The following PKIB variants were observed in gnomAD, a reference collection of about 807,000 sequenced individuals.
The protein encoded by PKIB is PKI-beta.
PKIB carries 2 observed loss-of-function variants against 4.5 expected under a neutral mutation model. The observed-to-expected ratio is 0.44, with a 90% CI of 0.18 to 1.39. The LOEUF is 1.39. Among genes scored for constraint, PKIB ranks in the 40% most tolerant of loss-of-function variants. The pLI is 0.27. For synonymous variants in PKIB, 38 were observed against 36.0 expected (o/e 1.06, Z -0.20); for missense variants, 94 against 92.6 (o/e 1.02, Z -0.06).
At chr6:122,574,753 A>G (rs560627855) in intron 2 of PKIB, among the ~76,000 whole-genome samples, 24 of 152,322 alleles carry the variant, frequency 1.6e-4, no homozygotes, top group African/African-American at 5.3e-4. Flanking sequence ...TCAACTCAAG[A>G]TCAATCAAAG....
intron 2 of PKIB, among the ~76,000 whole-genome samples, chr6:122,534,659 TATATA>T (rs1460358758): frequency 6.6e-6 from 1 of 151,926 alleles, no homozygotes; most frequent in Non-Finnish European, 1.5e-5. Context: ...ATTGGAAAAA[TATATA>T]ATATAATATA....
At chr6:122,636,058 T>G (rs975530203) in intron 2 of PKIB, among the ~76,000 whole-genome samples, 1 of 152,116 alleles carries the variant, frequency 6.6e-6, no homozygotes, top group Non-Finnish European at 1.5e-5. Flanking sequence ...ATTAACTCAT[T>G]TAATCCTCAC....
At chr6:122,715,236 A>G (rs1779436778) in intron 3 of PKIB, among the ~76,000 whole-genome samples, 1 of 152,064 alleles carries the variant, frequency 6.6e-6, no homozygotes, top group South Asian at 2.1e-4. Flanking sequence ...TTAAGATCGC[A>G]TATCTTAACA....
At chr6:122,663,964 G>A (rs988138409) in intron 2 of PKIB, among the ~76,000 whole-genome samples, 1 of 152,124 alleles carries the variant, frequency 6.6e-6, no homozygotes, top group African/African-American at 2.4e-5. Flanking sequence ...TAGTATTTTA[G>A]CATTTAGAAC....
At chr6:122,514,870 G>A (rs948995733) in intron 2 of PKIB, among the ~76,000 whole-genome samples, 2 of 152,150 alleles carry the variant, frequency 1.3e-5, no homozygotes, top group African/African-American at 4.8e-5. Flanking sequence ...GAGGAAAAGG[G>A]AACTCCCTCA....
At chr6:122,660,670 G>A (rs1776949448) in intron 2 of PKIB, among the ~76,000 whole-genome samples, 1 of 152,098 alleles carries the variant, frequency 6.6e-6, no homozygotes, top group African/African-American at 2.4e-5. Context: ...ATACAAGGAG[G>A]TAGTTCCCCC....
chr6:122,668,494 A>G (rs1195663878), intron 2 of PKIB, among the ~76,000 whole-genome samples: 1 of 152,212 alleles, frequency 6.6e-6, no homozygotes, highest in Non-Finnish European at 1.5e-5. Context: ...TTAAGCAGCT[A>G]TACTACACAT....
At chr6:122,723,194 C>A (rs958913372) in intron 4 of PKIB, among the ~76,000 whole-genome samples, 28 of 152,148 alleles carry the variant, frequency 1.8e-4, no homozygotes, top group Non-Finnish European at 3.4e-4. Context: ...GTGATGTAAT[C>A]TGATTTCGTT....
At chr6:122,646,052 C>T (rs1248788259) in intron 2 of PKIB, among the ~76,000 whole-genome samples, 12 of 151,886 alleles carry the variant, frequency 7.9e-5, no homozygotes, top group African/African-American at 2.4e-4. Context: ...GGGGCCTAGG[C>T]GAAGTGAAGC....
At chr6:122,602,771 CAAAA>C (rs1774414121) in intron 3 of PKIB, among the ~76,000 whole-genome samples, 1 of 151,350 alleles carries the variant, frequency 6.6e-6, no homozygotes, top group Non-Finnish European at 1.5e-5. Flanking sequence ...AAAAAACAAG[CAAAA>C]AACAAATGAA....
At chr6:122,498,122 C>A (rs1287083929) in intron 2 of PKIB, among the ~76,000 whole-genome samples, 1 of 152,170 alleles carries the variant, frequency 6.6e-6, no homozygotes, top group African/African-American at 2.4e-5. Context: ...CTGTATTCAT[C>A]TGTTTTTATG....
At chr6:122,715,389 G>A (rs1351365232) in intron 3 of PKIB, among the ~76,000 whole-genome samples, 1 of 151,980 alleles carries the variant, frequency 6.6e-6, no homozygotes, top group African/African-American at 2.4e-5. Context: ...TGCAGCCATA[G>A]TGGTTTCTGA....
chr6:122,704,490 T>G (rs1314652900), intron 3 of PKIB, among the ~76,000 whole-genome samples: 2 of 152,046 alleles, frequency 1.3e-5, no homozygotes, highest in Admixed American at 1.3e-4. Flanking sequence ...AAGATAAAAA[T>G]AGATCTTTTC....
chr6:122,576,689 A>AAAAAAAAAATATATAT (rs1345822382), intron 2 of PKIB, among the ~76,000 whole-genome samples: 8 of 34,308 alleles, frequency 2.3e-4, no homozygotes, highest in Non-Finnish European at 1.9e-4. Flanking sequence ...AAAAAAAAAA[A>AAAAAAAAAATATATAT]ATATATATAT....
chr6:122,669,036 G>C (rs529430861), intron 2 of PKIB, among the ~76,000 whole-genome samples: 37 of 152,156 alleles, frequency 2.4e-4, no homozygotes, highest in African/African-American at 8.9e-4. Flanking sequence ...AAAATATATT[G>C]AGACCCCATT....
chr6:122,632,308 A>T (rs1294173239), intron 1 of PKIB, among the ~76,000 whole-genome samples: 1 of 152,206 alleles, frequency 6.6e-6, no homozygotes, highest in Non-Finnish European at 1.5e-5. Flanking sequence ...AAGCAGAGGA[A>T]TGTTGACATT....
At chr6:122,478,691 G>T (rs568987394) in intron 2 of PKIB, 1 of 152,196 alleles carries the variant, frequency 6.6e-6, no homozygotes, top group South Asian at 2.1e-4. Flanking sequence ...CCAAAATAGT[G>T]AACTTTTCCC....
At chr6:122,600,510 C>T (rs1774329763) in intron 3 of PKIB, among the ~76,000 whole-genome samples, 1 of 152,132 alleles carries the variant, frequency 6.6e-6, no homozygotes, top group Non-Finnish European at 1.5e-5. Flanking sequence ...GTTCTTGTTC[C>T]TTGCAGCAAA....
At chr6:122,495,641 G>A (rs1236823176) in intron 2 of PKIB, among the ~76,000 whole-genome samples, 1 of 152,088 alleles carries the variant, frequency 6.6e-6, no homozygotes, top group Non-Finnish European at 1.5e-5. Context: ...GCATCTGGCC[G>A]ATTCCCCCAG....
Sources: allele counts gnomAD v4.1 joint callset (sites outside exome capture counted in the v4.1 genomes callset), GRCh38; gene constraint gnomAD v4.1.1; transcripts MANE v1.5; gene names NCBI Gene and HGNC (gene_info 2026-07-23, HGNC 2026-07-21).